Variants in PAPPA observed in about 807,000 individuals in gnomAD.
PAPPA encodes pappalysin 1.
A neutral mutation model predicts 164.0 loss-of-function variants in PAPPA; 60 were observed. The ratio of observed to expected loss-of-function variants is 0.37; its 90% confidence interval spans 0.30 to 0.45. PAPPA has a LOEUF of 0.45. Among genes scored for constraint, PAPPA ranks in the 20% least tolerant of loss-of-function variants. The pLI, the probability that PAPPA is intolerant of heterozygous loss-of-function variation, is 1.00. For missense variants in PAPPA, 1,782 were observed against 2,087.3 expected (o/e 0.85, Z 2.85); for synonymous variants, 875 against 814.1 (o/e 1.07, Z -1.27).
Position 116,352,743 on chromosome 9 carries a change from G to A in PAPPA, c.4002G>A (p.Leu1334=), listed in dbSNP as rs1846298777. 2 of 1,613,326 alleles carry A rather than the reference G, an allele frequency of 1.2e-6. No individual in the cohort carries two copies. The highest frequency in any genetic ancestry group is 1.3e-5 in the African/African-American group (1 of 74,914). The part of the protein sequence containing the change: ...NSLLTCMEDG[L]WSFPEALCEL... ...TCCTGACCTGCATGGAGGATGGGCT[G>A]TGGTCCTTCCCAGAGGCCCTGTGTG... Residue 1334 remains leucine (L), a synonymous_variant, in exon 16 of 22, where the codon CTG becomes CTA. Coordinates refer to ENST00000328252, the MANE Select transcript of PAPPA (RefSeq NM_002581.5).
chr9:116,157,630 C>A lies in PAPPA; in HGVS notation c.415+3043C>A, dbSNP rs3789265. Among the ~76,000 whole-genome samples the A allele has an allele frequency of 1.7e-3, 259 of 152,188 alleles. 5 individuals are homozygous for A. In the East Asian group the frequency reaches 0.037, roughly 22 times the overall value. On this transcript the variant is annotated intron_variant, in intron 1 of 21. Coordinates refer to ENST00000328252, the MANE Select transcript of PAPPA (RefSeq NM_002581.5). ...GGGGTGTGTGCTGGATGACACAGCT[C>A]CTCAGCGGCAGGAACTAGGATTTAA...
chr9:116,355,508 T>C (rs1480783187), intron 17 of PAPPA, among the ~76,000 whole-genome samples: 2 of 152,122 alleles, frequency 1.3e-5, no homozygotes, highest in African/African-American at 4.8e-5. Flanking sequence ...GTCATTCCCA[T>C]CCTTGACTGC....
At chr9:116,289,369 G>GCATATATATGC (rs1845404672) in intron 9 of PAPPA, among the ~76,000 whole-genome samples, 1 of 125,796 alleles carries the variant, frequency 7.9e-6, no homozygotes, top group African/African-American at 3.0e-5. Flanking sequence ...CATATATATG[G>GCATATATATGC]CATATATATA....
intron 7 of PAPPA, among the ~76,000 whole-genome samples, chr9:116,249,138 G>A (rs1014022667): frequency 6.6e-6 from 1 of 152,204 alleles, no homozygotes; most frequent in Admixed American, 6.5e-5. Context: ...CCTTTCAGGA[G>A]CTTAGTCTAC....
At chr9:116,393,612 T>G (rs1414276577) in intron 21 of PAPPA, among the ~76,000 whole-genome samples, 1 of 152,146 alleles carries the variant, frequency 6.6e-6, no homozygotes, top group Non-Finnish European at 1.5e-5. Context: ...CAAAAGTAAT[T>G]GCCGTTTTTA....
intron 10 of PAPPA, among the ~76,000 whole-genome samples, chr9:116,319,780 C>T (rs1275629636): frequency 1.3e-5 from 2 of 152,150 alleles, no homozygotes; most frequent in African/African-American, 4.8e-5. Context: ...TATTTATTAC[C>T]TCTGAGCCCA....
At position 116,262,921 on chromosome 9, in the gene PAPPA, G is replaced by C. The variant is rs137886155; in HGVS notation, c.2733-2936G>C. 5.7e-3 allele frequency among the ~76,000 whole-genome samples: 870 copies of C among 152,300 alleles called. 5 individuals are homozygous for C. The highest frequency in any genetic ancestry group is 0.033 in the South Asian group (161 of 4,830). ...TATTCTACCTAGGTTCTTGAGAAAA[G>C]AGCCCTCATTTAACATTAACTCTGA... On this transcript the variant is annotated intron_variant, in intron 7 of 21. Transcript: ENST00000328252.
intron 9 of PAPPA, among the ~76,000 whole-genome samples, chr9:116,281,322 A>G (rs1845264100): frequency 6.6e-6 from 1 of 152,140 alleles, no homozygotes; most frequent in Admixed American, 6.5e-5. Context: ...GCGAGGAGTT[A>G]GACAATCATT....
intron 11 of PAPPA, among the ~76,000 whole-genome samples, chr9:116,331,948 T>C (rs1406864990): frequency 6.6e-6 from 1 of 152,212 alleles, no homozygotes; most frequent in Non-Finnish European, 1.5e-5. Flanking sequence ...GGTTTTAGTG[T>C]GGACCGGGAC....
At position 116,396,647 on chromosome 9, in the gene PAPPA, A is replaced by G. The variant is rs1463079031; in HGVS notation, c.*31A>G. The G allele has an allele frequency of 1.2e-5, 9 of 777,974 alleles. No individual in the cohort carries two copies. In the East Asian group the frequency reaches 2.2e-4, roughly 19 times the overall value. 48.2% of individuals were successfully genotyped at this position (777,974 alleles called of 1,614,324 possible). ...GACAAGAAGTTGTCAAAGAATTCCC[A>G]ACGCCAGGACCCACATCCCTTTGGT... On this transcript the variant is annotated 3_prime_UTR_variant, in exon 22 of 22. Coordinates refer to ENST00000328252, the MANE Select transcript of PAPPA (RefSeq NM_002581.5).
intron 19 of PAPPA, among the ~76,000 whole-genome samples, chr9:116,369,574 C>A (rs1846545960): frequency 6.6e-6 from 1 of 152,134 alleles, no homozygotes; most frequent in African/African-American, 2.4e-5. Flanking sequence ...AGGAGACCTC[C>A]CTCTCACCCC....
At chr9:116,255,096 C>T (rs1844912715) in intron 7 of PAPPA, among the ~76,000 whole-genome samples, 1 of 151,814 alleles carries the variant, frequency 6.6e-6, no homozygotes, top group South Asian at 2.1e-4. Context: ...CTCTGAGTTT[C>T]ACCTTCCTAA....
intron 7 of PAPPA, among the ~76,000 whole-genome samples, chr9:116,251,221 A>G (rs751958881): frequency 6.6e-6 from 1 of 152,204 alleles, no homozygotes; most frequent in Non-Finnish European, 1.5e-5. Flanking sequence ...TTAAGTGTAA[A>G]TGAATCAGAA....
chr9:116,375,389 G>A (rs1412980734), intron 19 of PAPPA, among the ~76,000 whole-genome samples: 2 of 152,286 alleles, frequency 1.3e-5, no homozygotes, highest in East Asian at 3.9e-4. Flanking sequence ...GGTTGATAGT[G>A]GCTACATTCA....
chr9:116,322,077 G>A (rs1040399521), intron 10 of PAPPA, among the ~76,000 whole-genome samples: 6 of 152,290 alleles, frequency 3.9e-5, no homozygotes, highest in Non-Finnish European at 8.8e-5. Context: ...AAGATTATTA[G>A]GAAGGTAAAA....
Position 116,265,959 on chromosome 9 carries a change from G to T in PAPPA, c.2835G>T (p.Gly945=), listed in dbSNP as rs1317667196. The part of the protein sequence containing the change: ...SPAVTYIHGS[G]YCGDGIIQKD... ...CTGTCACATACATCCATGGAAGTGGGTACTGTGGCGATGGCATTATACAAA... is the reference window on the plus strand; with the variant it reads ...CTGTCACATACATCCATGGAAGTGGTTACTGTGGCGATGGCATTATACAAA... Residue 945 remains glycine (G), a synonymous_variant, in exon 8 of 22, where the codon GGG becomes GGT. Coordinates refer to ENST00000328252, the MANE Select transcript of PAPPA (RefSeq NM_002581.5). 1.2e-6 allele frequency: 2 copies of T among 1,611,610 alleles called. No individual in the cohort carries two copies. The highest frequency in any genetic ancestry group is 1.7e-6 in the Non-Finnish European group (2 of 1,178,070).
At chr9:116,366,626 A>G (rs1048556695) in intron 18 of PAPPA, among the ~76,000 whole-genome samples, 1 of 152,144 alleles carries the variant, frequency 6.6e-6, no homozygotes, top group African/African-American at 2.4e-5. Flanking sequence ...ACAAATACTT[A>G]TTGGGTGCCT....
chr9:116,174,852 A>G (rs971149651), intron 1 of PAPPA, among the ~76,000 whole-genome samples: 10 of 152,172 alleles, frequency 6.6e-5, no homozygotes, highest in South Asian at 2.1e-4. Flanking sequence ...AAAGTCATGA[A>G]GTGACCATGG....
Position 116,235,185 on chromosome 9 carries a change from G to T in PAPPA, c.2280G>T (p.Trp760Cys), listed in dbSNP as rs1407064828. Residue 760 changes from tryptophan to cysteine, a missense_variant, in exon 7 of 22, where the codon TGG (tryptophan) becomes TGT (cysteine). Around this residue, in one of 2 missense-constraint regions of PAPPA, gnomAD observed 1,324 missense variants for 1,656.9 expected, o/e 0.80. Coordinates refer to ENST00000328252, the MANE Select transcript of PAPPA (RefSeq NM_002581.5). ...EQPCKSSVRT[W>C]SPNSAVNPHT... is the part of the protein sequence containing the mutation. Reference sequence around the variant, plus strand: ...CCTGTAAGTCCAGTGTCCGCACCTGGAGCCCAAATTCAGCTGTCAACCCAC... The same window carrying T: ...CCTGTAAGTCCAGTGTCCGCACCTGTAGCCCAAATTCAGCTGTCAACCCAC... 1.2e-6 allele frequency: 2 copies of T among 1,614,000 alleles called. No individual in the cohort carries two copies. Among genetic ancestry groups the T allele is most frequent in the Non-Finnish European group, 1.7e-6 (2 of 1,180,010 alleles).
Sources: gnomAD v4.1 joint callset for allele counts (sites outside exome capture counted in the v4.1 genomes callset) on GRCh38, gnomAD v4.1.1 for gene constraint, gnomAD v4.1.1 regional missense constraint, MANE v1.5 for transcripts, NCBI Gene and HGNC (gene_info 2026-07-23, HGNC 2026-07-21) for gene names.